CNOT4: variants seen among roughly 807,000 people sequenced by gnomAD.
CNOT4 encodes CCR4-NOT transcription complex subunit 4, also known as CCR4-associated factor 4.
CNOT4 carries 8 observed loss-of-function variants against 73.8 expected under a neutral mutation model. The observed-to-expected ratio is 0.11, with a 90% CI of 0.06 to 0.20. The LOEUF (loss-of-function observed/expected upper bound fraction) is 0.20. Among genes scored for constraint, CNOT4 ranks in the 10% least tolerant of loss-of-function variants. The pLI, the probability that CNOT4 is intolerant of heterozygous loss-of-function variation, is 1.00. For missense variants in CNOT4, 564 were observed against 883.4 expected (o/e 0.64, Z 4.58); for synonymous variants, 293 against 321.1 (o/e 0.91, Z 0.94).
At chr7:135,392,097 T>C (rs1796433419) in intron 10 of CNOT4, among the ~76,000 whole-genome samples, 2 of 152,036 alleles carry the variant, frequency 1.3e-5, no homozygotes, top group African/African-American at 4.8e-5. Context: ...AAAGGCCTTT[T>C]CTCTTCCCCT....
intron 1 of CNOT4, among the ~76,000 whole-genome samples, chr7:135,444,088 G>A (rs377530938): frequency 2.0e-5 from 3 of 151,824 alleles, no homozygotes; most frequent in South Asian, 2.1e-4. Context: ...GCAGTGAGCC[G>A]TGATGTGGCA....
At chr7:135,484,204 A>T (rs1279285018) in intron 1 of CNOT4, among the ~76,000 whole-genome samples, 1 of 152,108 alleles carries the variant, frequency 6.6e-6, no homozygotes, top group African/African-American at 2.4e-5. Context: ...CAAAATAAAT[A>T]AATTAATTTA....
intron 1 of CNOT4, among the ~76,000 whole-genome samples, chr7:135,485,489 T>C (rs1176708056): frequency 6.6e-6 from 1 of 152,212 alleles, no homozygotes; most frequent in Non-Finnish European, 1.5e-5. Context: ...TGCCTCCCGA[T>C]ATTAAGGATA....
intron 1 of CNOT4, among the ~76,000 whole-genome samples, chr7:135,497,041 C>G (rs1803633461): frequency 6.6e-6 from 1 of 151,852 alleles, no homozygotes; most frequent in South Asian, 2.1e-4. Flanking sequence ...CTCCTGGGCT[C>G]AAGCTATCCT....
intron 1 of CNOT4, among the ~76,000 whole-genome samples, chr7:135,480,729 T>C (rs1802320843): frequency 6.6e-6 from 1 of 152,198 alleles, no homozygotes. Context: ...ATTTTGTTCC[T>C]GGCTATAAGC....
intron 1 of CNOT4, among the ~76,000 whole-genome samples, chr7:135,447,144 T>G (rs1300765974): frequency 1.8e-5 from 2 of 108,272 alleles, no homozygotes; most frequent in East Asian, 5.7e-4. Context: ...AATGACAACC[T>G]TCAAAAATAA....
intron 1 of CNOT4, among the ~76,000 whole-genome samples, chr7:135,456,479 A>G (rs1017865558): frequency 5.3e-5 from 8 of 151,962 alleles, no homozygotes; most frequent in Admixed American, 3.9e-4. Context: ...TCTCTATTCT[A>G]AGGATGTACT....
intron 3 of CNOT4, among the ~76,000 whole-genome samples, chr7:135,418,290 C>T (rs770572132): frequency 6.6e-6 from 1 of 152,182 alleles, no homozygotes; most frequent in Non-Finnish European, 1.5e-5. Context: ...TTCTAGTGAA[C>T]TAACAAAGGT....
At chr7:135,482,347 G>A (rs1014451188) in intron 1 of CNOT4, among the ~76,000 whole-genome samples, 22 of 151,966 alleles carry the variant, frequency 1.4e-4, no homozygotes, top group Non-Finnish European at 2.9e-4. Flanking sequence ...CTTGAGCCCA[G>A]TAGTCCAAAA....
chr7:135,362,680 G>T lies in CNOT4; in HGVS notation c.*205C>A. 1.4e-6 allele frequency: 1 copy of T among 710,096 alleles called. No individual in the cohort carries two copies. The allele number at this position is 710,096 out of a possible 1,614,324, so 44.0% of individuals were successfully genotyped here. On this transcript the variant is annotated 3_prime_UTR_variant, in exon 12 of 12. Transcript: ENST00000541284. ...CATTCAACAGTGTCACTCAAATGCT[G>T]GATCAACAAAAATTTTTACAATTAA...
At chr7:135,475,938 AG>A (rs1801963693) in intron 1 of CNOT4, among the ~76,000 whole-genome samples, 1 of 152,080 alleles carries the variant, frequency 6.6e-6, no homozygotes. Context: ...AATAAAAATG[AG>A]GGAAAAAAGT....
chr7:135,453,845 T>TAA (rs1800345599), intron 1 of CNOT4, among the ~76,000 whole-genome samples: 1 of 139,534 alleles, frequency 7.2e-6, no homozygotes, highest in Non-Finnish European at 1.5e-5. Flanking sequence ...TATATATATA[T>TAA]ATTATATATA....
intron 8 of CNOT4, among the ~76,000 whole-genome samples, chr7:135,397,177 G>A (rs1199762395): frequency 6.6e-6 from 1 of 151,898 alleles, no homozygotes; most frequent in Non-Finnish European, 1.5e-5. Context: ...ATAACAGAAA[G>A]AGAAAAATTA....
At position 135,466,170 on chromosome 7, in the gene CNOT4, T is replaced by A. The variant is rs570351413; in HGVS notation, c.-92-27747A>T. Among the ~76,000 whole-genome samples, 10 of 151,582 alleles carry A rather than the reference T, an allele frequency of 6.6e-5. No individual in the cohort carries two copies. In the South Asian group the frequency reaches 1.7e-3, roughly 25 times the overall value. Reference sequence around the variant, plus strand: ...AGCTGTGTTATTATAAAAGTTAAAATTTTTTTTAAATTAAGAAGTTTATAA... The same window carrying A: ...AGCTGTGTTATTATAAAAGTTAAAAATTTTTTTAAATTAAGAAGTTTATAA... On this transcript the variant is annotated intron_variant, in intron 1 of 11. Coordinates refer to ENST00000541284, the MANE Select transcript of CNOT4 (RefSeq NM_001190850.2).
At chr7:135,461,546 C>G (rs531198590) in intron 1 of CNOT4, among the ~76,000 whole-genome samples, 2 of 152,056 alleles carry the variant, frequency 1.3e-5, no homozygotes, top group African/African-American at 4.8e-5. Flanking sequence ...AAATAACAAG[C>G]AGAGGCCGGG....
In CNOT4 at chr7:135,396,107, CTTTTTT is replaced by C. The variant is rs71174519; in HGVS notation, c.880-230_880-225del. 1.0e-4 allele frequency among the ~76,000 whole-genome samples: 10 copies of C among 95,434 alleles called. No individual in the cohort carries two copies. The South Asian group carries it at 1.2e-3, about 11-fold the overall frequency. The allele number at this position is 95,434 out of a possible 152,430, so 62.6% of individuals were successfully genotyped here. A position where few individuals can be genotyped will look rare whatever the true frequency, so the allele number is the denominator to read the frequency against. ...GCTTGAAAAGATTAAACTAGTCTCC[CTTTTTT>C]TTTTTTTTTTTTTTTTTTTTTTGAG... On this transcript the variant is annotated intron_variant, in intron 8 of 11. Transcript: ENST00000541284.
intron 1 of CNOT4, among the ~76,000 whole-genome samples, chr7:135,509,385 C>CA (rs981930234): frequency 2.0e-5 from 3 of 151,654 alleles, no homozygotes; most frequent in African/African-American, 7.3e-5. Context: ...AGCAGTGGAG[C>CA]AAAAAAACAA....
intron 1 of CNOT4, among the ~76,000 whole-genome samples, chr7:135,463,086 T>C (rs928585184): frequency 6.6e-6 from 1 of 152,240 alleles, no homozygotes; most frequent in Non-Finnish European, 1.5e-5. Flanking sequence ...CATTGGTCTA[T>C]GTCCCTGTTT....
At chr7:135,508,524 A>G (rs1332714769) in intron 1 of CNOT4, among the ~76,000 whole-genome samples, 1 of 152,246 alleles carries the variant, frequency 6.6e-6, no homozygotes, top group African/African-American at 2.4e-5. Context: ...TTTTGCATAC[A>G]TAACTAATGG....
Sources: allele counts gnomAD v4.1 joint callset (sites outside exome capture counted in the v4.1 genomes callset), GRCh38; gene constraint gnomAD v4.1.1; transcripts MANE v1.5; gene names NCBI Gene and HGNC (gene_info 2026-07-23, HGNC 2026-07-21).